Variants in PRKCZ observed in about 807,000 individuals in gnomAD.
The protein encoded by PRKCZ is protein kinase C zeta type.
PRKCZ carries 33 observed loss-of-function variants against 79.5 expected under a neutral mutation model. The ratio of observed to expected loss-of-function variants is 0.41; its 90% CI spans 0.31 to 0.55. The LOEUF is 0.55. PRKCZ is among the 20% of genes least tolerant of loss of function. The pLI is 0.19. For synonymous variants in PRKCZ, 342 were observed against 320.9 expected (o/e 1.07, Z -0.70); for missense variants, 578 against 813.5 (o/e 0.71, Z 3.52).
chr1:2,118,347 T>TG (rs1373663892), intron 4 of PRKCZ, among the ~76,000 whole-genome samples: 2 of 148,704 alleles, frequency 1.3e-5, no homozygotes, highest in South Asian at 2.1e-4. Flanking sequence ...TTTTTGTTTT[T>TG]TTTTTTTTGA....
intron 16 of PRKCZ, among the ~76,000 whole-genome samples, chr1:2,176,475 C>T (rs1026314859): frequency 1.3e-5 from 2 of 152,166 alleles, no homozygotes; most frequent in African/African-American, 4.8e-5. Context: ...GGGAGGTGAC[C>T]TTGTCTGAAG....
chr1:2,172,924 CGT>C lies in PRKCZ; in HGVS notation c.1285+542_1285+543del, dbSNP rs1012217287. On this transcript the variant is annotated intron_variant, in intron 13 of 17. Transcript: ENST00000378567. This position sits in a 1 kb window ranked among gnomAD's most constrained non-coding sequence, Gnocchi z 7.8. ...GGGCACGCGTGTGCAGCCGTGTGTG[CGT>C]GTGTGAAACGGGGATGTGGGCACGC... is the stretch of plus-strand genomic sequence containing the variant. Among the ~76,000 whole-genome samples, 9 of 150,014 alleles carry C rather than the reference CGT, an allele frequency of 6.0e-5. No homozygotes were observed. The highest frequency in any genetic ancestry group is 3.9e-4 in the East Asian group (2 of 5,114).
chr1:2,142,502 G>A (rs962600722), intron 5 of PRKCZ: 13 of 296,398 alleles, frequency 4.4e-5, no homozygotes, highest in South Asian at 1.8e-4. Context: ...AGCAGGTGCC[G>A]ACTGGGGCAA....
At chr1:2,080,269 C>G (rs1663231237) in intron 4 of PRKCZ, among the ~76,000 whole-genome samples, 1 of 132,690 alleles carries the variant, frequency 7.5e-6, no homozygotes, top group Admixed American at 7.0e-5. Context: ...ATGACGCTTT[C>G]TGAAGGCTAA....
At chr1:2,083,459 T>A (rs1417813065) in intron 4 of PRKCZ, among the ~76,000 whole-genome samples, 1 of 152,248 alleles carries the variant, frequency 6.6e-6, no homozygotes, top group Non-Finnish European at 1.5e-5. Flanking sequence ...CTCTAATTAA[T>A]GTATGATTAA....
intron 4 of PRKCZ, among the ~76,000 whole-genome samples, chr1:2,068,333 G>C (rs1415331489): frequency 6.6e-6 from 1 of 152,254 alleles, no homozygotes; most frequent in East Asian, 1.9e-4. Context: ...TGCAGACCCA[G>C]GCCAAGGTGT....
intron 16 of PRKCZ, among the ~76,000 whole-genome samples, chr1:2,176,698 G>A (rs1259966384): frequency 6.6e-6 from 1 of 152,262 alleles, no homozygotes; most frequent in Non-Finnish European, 1.5e-5. Context: ...GCCAGCGTGG[G>A]AGGTCACTCC....
intron 4 of PRKCZ, among the ~76,000 whole-genome samples, chr1:2,076,217 G>A (rs183692804): frequency 9.8e-5 from 15 of 152,296 alleles, no homozygotes; most frequent in African/African-American, 3.4e-4. Flanking sequence ...GCTGGTCGTG[G>A]TGCTCGAGTG....
chr1:2,065,957 T>C (rs1557485459), intron 4 of PRKCZ, among the ~76,000 whole-genome samples: 1 of 152,232 alleles, frequency 6.6e-6, no homozygotes, highest in East Asian at 1.9e-4. Flanking sequence ...GGTATATTAC[T>C]TTAATTTTCA....
At chr1:2,121,471 G>A (rs1671874813) in intron 4 of PRKCZ, among the ~76,000 whole-genome samples, 2 of 51,042 alleles carry the variant, frequency 3.9e-5, no homozygotes, top group South Asian at 5.3e-4. Flanking sequence ...GAGTCATGGC[G>A]GTAGTTAGTT....
chr1:2,167,303 A>G (rs1195779997), intron 10 of PRKCZ, among the ~76,000 whole-genome samples: 1 of 152,210 alleles, frequency 6.6e-6, no homozygotes, highest in Non-Finnish European at 1.5e-5. Context: ...ATGTCCCCCA[A>G]ATTCTCTCAG....
intron 10 of PRKCZ, among the ~76,000 whole-genome samples, chr1:2,166,363 G>T (rs976702983): frequency 1.3e-5 from 2 of 152,202 alleles, no homozygotes; most frequent in Admixed American, 6.5e-5. Flanking sequence ...AGGCTGCAGT[G>T]AGCCATGATC....
intron 1 of PRKCZ, among the ~76,000 whole-genome samples, chr1:2,054,488 C>T (rs1405709541): frequency 6.6e-6 from 1 of 151,860 alleles, no homozygotes; most frequent in Non-Finnish European, 1.5e-5. Flanking sequence ...CCTGGGAGTC[C>T]GTGAGCTTCC....
At chr1:2,155,240 G>A (rs1453170606) in intron 9 of PRKCZ, among the ~76,000 whole-genome samples, 1 of 152,006 alleles carries the variant, frequency 6.6e-6, no homozygotes, top group Non-Finnish European at 1.5e-5. Flanking sequence ...TGACTGTGAT[G>A]GTGGTGGTAG....
rs1668568808 is a variant in PRKCZ, at chr1:2,106,718, A to ACACG, written c.335-28544_335-28543insCACG. On this transcript the variant is annotated intron_variant, in intron 4 of 17. Coordinates refer to ENST00000378567, the MANE Select transcript of PRKCZ (RefSeq NM_002744.6). The stretch of plus-strand genomic sequence containing the variant: ...GCCCCTCCGGTGGGCGAGGACCTCC[A>ACACG]TGCGTGTCACCAGGCCAGGTAACTC... Among the ~76,000 whole-genome samples, 12 of 103,302 alleles carry ACACG rather than the reference A, an allele frequency of 1.2e-4. 1 individual carries two copies. Among genetic ancestry groups the ACACG allele is most frequent in the Admixed American group, 5.1e-4 (5 of 9,726 alleles). The allele number at this position is 103,302 out of a possible 152,430, so 67.8% of individuals were successfully genotyped here.
At position 2,093,025 on chromosome 1, in the gene PRKCZ, C is replaced by T. The variant is rs549506589; in HGVS notation, c.334+33434C>T. 1.3e-4 allele frequency among the ~76,000 whole-genome samples: 20 copies of T among 152,368 alleles called. No homozygotes were observed. The East Asian group carries it at 3.9e-3, about 29-fold the overall frequency. The stretch of plus-strand genomic sequence containing the variant: ...CGGGTGCCACCTCACCCCCCAGTTA[C>T]ACCCACACGAGGCCGCGGTGCCCAG... On this transcript the variant is annotated intron_variant, in intron 4 of 17. Transcript: ENST00000378567.
intron 9 of PRKCZ, among the ~76,000 whole-genome samples, chr1:2,152,096 C>A (rs1330686030): frequency 1.3e-5 from 2 of 152,156 alleles, no homozygotes; most frequent in Non-Finnish European, 2.9e-5. Context: ...TGCACTCTGC[C>A]CGCCTCAGCC....
rs1411492841 is a variant in PRKCZ, at chr1:2,107,670, C to G, written c.335-27592C>G. 2.0e-5 allele frequency among the ~76,000 whole-genome samples: 3 copies of G among 152,038 alleles called. No homozygotes were observed. The South Asian group carries it at 6.2e-4, about 32-fold the overall frequency. On this transcript the variant is annotated intron_variant, in intron 4 of 17. Transcript: ENST00000378567. ...GGTGCAGGCCTTCTTTTAACACTGA[C>G]CTTGGGTTCTCAGGACTGCCGAAAT... is the stretch of plus-strand genomic sequence containing the variant.
At position 2,131,043 on chromosome 1, in the gene PRKCZ, T is replaced by C. The variant is rs567457235; in HGVS notation, c.335-4219T>C. On this transcript the variant is annotated intron_variant, in intron 4 of 17. Coordinates refer to ENST00000378567, the MANE Select transcript of PRKCZ (RefSeq NM_002744.6). ...CCTTCCCAGAAGAGGGCCACCATCA[T>C]GGGCTCGGACCTTCCAGCTGGACTG... Among the ~76,000 whole-genome samples, 5 of 152,298 alleles carry C rather than the reference T, an allele frequency of 3.3e-5. No individual in the cohort carries two copies. In the East Asian group the frequency reaches 9.7e-4, roughly 30 times the overall value.
Sources: allele counts gnomAD v4.1 joint callset (sites outside exome capture counted in the v4.1 genomes callset), GRCh38; gene constraint gnomAD v4.1.1; non-coding constraint Gnocchi (gnomAD v3.1); transcripts MANE v1.5; gene names NCBI Gene and HGNC (gene_info 2026-07-23, HGNC 2026-07-21).